Variants in LAPTM4B observed in about 807,000 individuals in gnomAD.
LAPTM4B encodes lysosomal protein transmembrane 4 beta.
In LAPTM4B, 26 loss-of-function variants were observed where a neutral mutation model predicts 28.5. The ratio of observed to expected loss-of-function variants is 0.91; its 90% confidence interval spans 0.67 to 1.27. LAPTM4B has a LOEUF of 1.27. Among genes scored for constraint, LAPTM4B ranks in the 50% most tolerant of loss-of-function variants. The probability of loss-of-function intolerance (pLI) is 0.00; values close to 1 mark genes in which losing one functional copy is unlikely to be tolerated. For synonymous variants in LAPTM4B, 109 were observed against 106.4 expected (o/e 1.02, Z -0.15); for missense variants, 288 against 285.8 (o/e 1.01, Z -0.06).
chr8:97,803,429 C>T (rs796258893), intron 1 of LAPTM4B, among the ~76,000 whole-genome samples: 9 of 151,856 alleles, frequency 5.9e-5, no homozygotes, highest in African/African-American at 2.2e-4. Flanking sequence ...CAGGCATCCA[C>T]CACCATGCCC....
At chr8:97,806,827 A>G (rs1872014) in intron 2 of LAPTM4B, among the ~76,000 whole-genome samples, 68,624 of 151,912 alleles carry the variant, frequency 0.45, 15,882 homozygotes, top group East Asian at 0.58. Flanking sequence ...TGTGGTGGTG[A>G]GTGCCTGTAA....
chr8:97,804,321 G>A lies in LAPTM4B; in HGVS notation c.100-1032G>A, dbSNP rs184588603. Among the ~76,000 whole-genome samples, 3 of 152,328 alleles carry A rather than the reference G, an allele frequency of 2.0e-5. No homozygotes were observed. In the East Asian group the frequency reaches 5.8e-4, roughly 29 times the overall value. On this transcript the variant is annotated intron_variant, in intron 1 of 6. Transcript: ENST00000521545. ...TGTGTGTATTGTCCAGCAGTGACAGGAAGAATAAAGGAAATAGAAATGAAG... is the reference window on the plus strand; with the variant it reads ...TGTGTGTATTGTCCAGCAGTGACAGAAAGAATAAAGGAAATAGAAATGAAG...
At chr8:97,795,253 C>T (rs771609446) in intron 1 of LAPTM4B, among the ~76,000 whole-genome samples, 2 of 152,086 alleles carry the variant, frequency 1.3e-5, no homozygotes, top group Non-Finnish European at 2.9e-5. Flanking sequence ...GTGCCTACCA[C>T]CACACCTGGC....
chr8:97,805,324 CT>C lies in LAPTM4B; in HGVS notation c.100-11del, dbSNP rs386413439. The C allele has an allele frequency of 4.5e-3, 3,784 of 839,544 alleles. 1 individual carries two copies. Among genetic ancestry groups the C allele is most frequent in the South Asian group, 0.017 (977 of 58,134 alleles). The allele number at this position is 839,544 out of a possible 1,614,324, so 52.0% of individuals were successfully genotyped here. A position where few individuals can be genotyped will look rare whatever the true frequency, so the allele number is the denominator to read the frequency against. ...ATTGCATCCTGGGGTTACTTAAATTCTTTTTTTTTTTTTTTTTTCTTGTTGC... is the reference window on the plus strand; with the variant it reads ...ATTGCATCCTGGGGTTACTTAAATTCTTTTTTTTTTTTTTTTTCTTGTTGC... On this transcript the variant is annotated intron_variant, in intron 1 of 6. Coordinates refer to ENST00000521545, the MANE Select transcript of LAPTM4B (RefSeq NM_018407.6).
chr8:97,823,356 G>GTTTTTTTTTT (rs72472850), intron 5 of LAPTM4B, among the ~76,000 whole-genome samples: 1 of 131,102 alleles, frequency 7.6e-6, no homozygotes, highest in Admixed American at 7.9e-5. Flanking sequence ...TTTTTTTTTT[G>GTTTTTTTTTT]TTTTTTTTTT....
chr8:97,819,640 CA>C (rs927897516), intron 5 of LAPTM4B, among the ~76,000 whole-genome samples: 3 of 150,678 alleles, frequency 2.0e-5, no homozygotes, highest in Admixed American at 6.6e-5. Context: ...AGCATTGAGA[CA>C]TTTTTTACTT....
At chr8:97,838,080 G>T (rs1817288480) in intron 6 of LAPTM4B, among the ~76,000 whole-genome samples, 3 of 152,202 alleles carry the variant, frequency 2.0e-5, no homozygotes, top group African/African-American at 7.2e-5. Flanking sequence ...GGCAGTGAAG[G>T]TCTGGCCCAG....
Position 97,842,525 on chromosome 8 carries a change from GT to G in LAPTM4B, c.604-8867del, listed in dbSNP as rs1817365820. 5.9e-5 allele frequency among the ~76,000 whole-genome samples: 9 copies of G among 152,090 alleles called. No homozygotes were observed. The South Asian group carries it at 1.9e-3, about 32-fold the overall frequency. On this transcript the variant is annotated intron_variant, in intron 6 of 6. Transcript: ENST00000521545. ...TCTTTGTTTTTTTGTTGTTGTTTTT[GT>G]TTTTGTTTTTGAGACAGAGTCTTGC...
rs561605143 is a variant in LAPTM4B, at chr8:97,787,381, G to A, written c.99+11273G>A. Reference sequence around the variant, plus strand: ...GCTCACTGCAAGCTCCGCCTCCCAGGTTCACGCCATTCTCCTGCCTCAGCC... The same window carrying A: ...GCTCACTGCAAGCTCCGCCTCCCAGATTCACGCCATTCTCCTGCCTCAGCC... On this transcript the variant is annotated intron_variant, in intron 1 of 6. Transcript: ENST00000521545. Among the ~76,000 whole-genome samples, 25 of 151,134 alleles carry A rather than the reference G, an allele frequency of 1.7e-4. No individual in the cohort carries two copies. In the South Asian group the frequency reaches 3.1e-3, roughly 19 times the overall value.
intron 6 of LAPTM4B, among the ~76,000 whole-genome samples, chr8:97,841,339 T>C (rs1323684183): frequency 1.3e-5 from 2 of 152,268 alleles, no homozygotes; most frequent in Non-Finnish European, 2.9e-5. Flanking sequence ...TCTTTCTCTT[T>C]TTTTTGAGAT....
At chr8:97,776,187 G>A in intron 1 of LAPTM4B, 79 bp downstream of exon 1, 2 of 1,402,982 alleles carry the variant, frequency 1.4e-6, no homozygotes, top group South Asian at 2.7e-5. Flanking sequence ...CCTCGCGGTG[G>A]GGTGAGGCGT....
chr8:97,786,653 C>T (rs1231566778), intron 1 of LAPTM4B, among the ~76,000 whole-genome samples: 2 of 149,800 alleles, frequency 1.3e-5, no homozygotes, highest in Non-Finnish European at 3.0e-5. Context: ...GAGCTGAGAT[C>T]GTGCCGCTAC....
At chr8:97,825,350 G>C (rs1241734461) in intron 6 of LAPTM4B, among the ~76,000 whole-genome samples, 197 bp downstream of exon 6, 1 of 152,052 alleles carries the variant, frequency 6.6e-6, no homozygotes, top group Non-Finnish European at 1.5e-5. Context: ...TTTTCTTACA[G>C]GATATTAAAA....
intron 1 of LAPTM4B, 134 bp downstream of exon 1, chr8:97,776,242 G>A (rs1816212052): frequency 4.4e-6 from 5 of 1,128,426 alleles, no homozygotes; most frequent in East Asian, 6.5e-5. Context: ...TTAATTCTCC[G>A]GGTGCCGCGT....
chr8:97,816,916 GGCAA>G (rs1816925608), intron 4 of LAPTM4B, among the ~76,000 whole-genome samples: 4 of 149,092 alleles, frequency 2.7e-5, no homozygotes, highest in African/African-American at 9.9e-5. Context: ...CTCCAGCCTG[GGCAA>G]TAGAGTGAGA....
intron 6 of LAPTM4B, among the ~76,000 whole-genome samples, chr8:97,829,307 G>A (rs1445328362): frequency 6.6e-6 from 1 of 152,168 alleles, no homozygotes; most frequent in East Asian, 1.9e-4. Flanking sequence ...TCTGTTGAAC[G>A]GGGGAGGGTA....
chr8:97,816,018 A>T (rs752602866), intron 3 of LAPTM4B, 40 bp from the exon 4 acceptor site: 2 of 1,503,718 alleles, frequency 1.3e-6, no homozygotes, highest in South Asian at 2.5e-5. Flanking sequence ...TTGTTTTATA[A>T]TATTGAACAC....
At chr8:97,791,443 G>C (rs1003068958) in intron 1 of LAPTM4B, among the ~76,000 whole-genome samples, 3 of 152,120 alleles carry the variant, frequency 2.0e-5, no homozygotes, top group African/African-American at 7.2e-5. Flanking sequence ...TTAATTACGT[G>C]CACCCTGTGT....
intron 1 of LAPTM4B, among the ~76,000 whole-genome samples, chr8:97,788,795 AG>A (rs947262591): frequency 6.6e-6 from 1 of 151,702 alleles, no homozygotes; most frequent in Admixed American, 6.6e-5. Flanking sequence ...CCCGGGTTCA[AG>A]CGAATCTTCT....
Sources: gnomAD v4.1 joint callset for allele counts (sites outside exome capture counted in the v4.1 genomes callset) on GRCh38, gnomAD v4.1.1 for gene constraint, MANE v1.5 for transcripts, NCBI Gene and HGNC (gene_info 2026-07-23, HGNC 2026-07-21) for gene names.